The following ATP13A2 variants were observed in gnomAD, a reference collection of about 807,000 sequenced individuals.
ATP13A2 encodes polyamine-transporting ATPase 13A2.
In ATP13A2, 83 loss-of-function variants were observed where a neutral mutation model predicts 138.3. The observed-to-expected ratio is 0.60, with a 90% CI of 0.50 to 0.72. The LOEUF (loss-of-function observed/expected upper bound fraction) is 0.72. ATP13A2 is among the 30% of genes least tolerant of loss of function. ATP13A2 has a pLI of 0.00. For synonymous variants in ATP13A2, 663 were observed against 699.0 expected (o/e 0.95, Z 0.81); for missense variants, 1,402 against 1,606.4 (o/e 0.87, Z 2.17).
Position 16,995,635 on chromosome 1 carries a change from G to A in ATP13A2, c.1542+341C>T, listed in dbSNP as rs988146764. On this transcript the variant is annotated intron_variant, in intron 15 of 28. Coordinates refer to ENST00000326735, the MANE Select transcript of ATP13A2 (RefSeq NM_022089.4). The surrounding 1 kb of genome is among the most constrained non-coding windows in gnomAD (Gnocchi z 4.1). ...GCTAACTTTTGTATTTTTAGTAGAC[G>A]GGGTTTTGCCATGTTGGTCAGGCTG... 1.3e-5 allele frequency: 5 copies of A among 383,006 alleles called. No individual in the cohort carries two copies. The highest frequency in any genetic ancestry group is 1.1e-4 in the Admixed American group (3 of 26,998). 23.7% of individuals were successfully genotyped at this position (383,006 alleles called of 1,614,324 possible).
At chr1:16,994,684 AC>A (rs2077055982) in intron 15 of ATP13A2, among the ~76,000 whole-genome samples, 1 of 150,792 alleles carries the variant, frequency 6.6e-6, no homozygotes, top group African/African-American at 2.4e-5. Context: ...TTTTTTTGAG[AC>A]GGAGTCTCAC....
Position 16,996,136 on chromosome 1 carries a change from G to A in ATP13A2, c.1382C>T (p.Ala461Val), listed in dbSNP as rs763042739. ...CACCACCACGGTCACCAGGTCGAGA[G>A]CCCGGATTACAATCTCATTCAGAGG... ...RVPLNEIVIR[A>V]LDLVTVVVPP... The change falls in exon 15 of 29, where the codon GCT (alanine) becomes GTT (valine). Residue 461 changes from alanine to valine, a missense_variant. Physicochemically the swap from Ala to Val is moderately conservative, Grantham distance 64. Transcript: ENST00000326735. The A allele has an allele frequency of 2.4e-5, 39 of 1,614,014 alleles. No homozygotes were observed. The highest frequency in any genetic ancestry group is 3.0e-5 in the Non-Finnish European group (35 of 1,180,048).
chr1:16,996,178 C>T lies in ATP13A2; in HGVS notation c.1354-14G>A. ...ATTCAGAGGCACCTGGCAGGGGGCACCATGAATGTGAGCACCTGGCTGGTT... is the reference window on the plus strand; with the variant it reads ...ATTCAGAGGCACCTGGCAGGGGGCATCATGAATGTGAGCACCTGGCTGGTT... On this transcript the variant is annotated splice_polypyrimidine_tract_variant and intron_variant, in intron 14 of 28. Coordinates refer to ENST00000326735, the MANE Select transcript of ATP13A2 (RefSeq NM_022089.4). 2 of 1,614,166 alleles carry T rather than the reference C, an allele frequency of 1.2e-6. No individual in the cohort carries two copies. The highest frequency in any genetic ancestry group is 8.5e-7 in the Non-Finnish European group (1 of 1,180,040).
intron 6 of ATP13A2, among the ~76,000 whole-genome samples, 166 bp from the exon 7 acceptor site, chr1:17,002,539 C>T (rs920580827): frequency 6.6e-6 from 1 of 152,218 alleles, no homozygotes; most frequent in Non-Finnish European, 1.5e-5. Flanking sequence ...TTGGCTTTGC[C>T]CTTTTGTTCC....
At chr1:16,992,880 A>G (rs534469933) in intron 16 of ATP13A2, among the ~76,000 whole-genome samples, 87 of 152,362 alleles carry the variant, frequency 5.7e-4, no homozygotes, top group Non-Finnish European at 7.5e-4. Flanking sequence ...GCGCTGGCGC[A>G]TAGTAGGCAC....
intron 13 of ATP13A2, 21 bp from the exon 14 acceptor site, chr1:16,996,321 T>G (rs1390143078): frequency 1.2e-6 from 2 of 1,613,884 alleles, no homozygotes; most frequent in South Asian, 1.1e-5. Context: ...AGCGAAGGAC[T>G]GAGTGGGATT....
rs777252902 is a variant in ATP13A2 at position 16,987,017 on chromosome 1, T to TG, written c.3083+28dup. On this transcript the variant is annotated intron_variant, in intron 26 of 28. Transcript: ENST00000326735. ...TGGGGTGGACAGGGAAGGGGCGGGATGGGGGTGGTCAGTCAGCTCCCTACT... is the reference window on the plus strand; with the variant it reads ...TGGGGTGGACAGGGAAGGGGCGGGATGGGGGGTGGTCAGTCAGCTCCCTACT... 1.9e-6 allele frequency: 3 copies of TG among 1,601,166 alleles called. No individual in the cohort carries two copies. The African/African-American group carries it at 4.2e-5, about 22-fold the overall frequency.
At chr1:16,996,641 G>T in intron 12 of ATP13A2, 145 bp from the exon 13 acceptor site, 3 of 690,202 alleles carry the variant, frequency 4.3e-6, no homozygotes, top group Non-Finnish European at 7.7e-6. Flanking sequence ...GTCCTAACAG[G>T]TCTGGCCCGG....
chr1:16,994,525 G>A (rs961240071), intron 15 of ATP13A2, among the ~76,000 whole-genome samples: 2 of 151,952 alleles, frequency 1.3e-5, no homozygotes, highest in African/African-American at 2.4e-5. Flanking sequence ...GAGCCACCAC[G>A]CCCAGCCTCA....
At chr1:16,987,665 C>T (rs111901708) in intron 25 of ATP13A2, among the ~76,000 whole-genome samples, 28 of 152,204 alleles carry the variant, frequency 1.8e-4, no homozygotes, top group Non-Finnish European at 3.2e-4. Flanking sequence ...ATAAGATGTG[C>T]GCCGCCCTGC....
rs1476901777 is a variant in ATP13A2, at chr1:16,988,238, G to A, written c.2763-4C>T. 6.2e-7 allele frequency: 1 copy of A among 1,614,144 alleles called. No individual in the cohort carries two copies. The highest frequency in any genetic ancestry group is 1.1e-5 in the South Asian group (1 of 91,082). On this transcript the variant is annotated splice_region_variant and splice_polypyrimidine_tract_variant and intron_variant, in intron 24 of 28. Transcript: ENST00000326735. The stretch of plus-strand genomic sequence containing the variant: ...GTCAAGGGAACAGCGCCCCTCCCTG[G>A]GTGGCAGGGCACGGACATTAGGGGA...
chr1:16,997,579 C>A (rs1047946760), intron 11 of ATP13A2, among the ~76,000 whole-genome samples: 1 of 152,106 alleles, frequency 6.6e-6, no homozygotes, highest in Non-Finnish European at 1.5e-5. Context: ...CGGTGGCTCA[C>A]GCCTGTAATC....
In ATP13A2 at chr1:16,996,495, C is replaced by A. The variant is rs765184277; in HGVS notation, c.1197G>T (p.Gly399=). 3 of 1,613,798 alleles carry A rather than the reference C, an allele frequency of 1.9e-6. No homozygotes were observed. Among genetic ancestry groups the A allele is most frequent in the Non-Finnish European group, 2.5e-6 (3 of 1,179,894 alleles). The change falls in exon 13 of 29, where the codon GGG becomes GGT. Residue 399 remains glycine (G), a splice_region_variant and synonymous_variant. Transcript: ENST00000326735. ...PHVLAVVTRT[G]FCTAKGGLVS... is the part of the protein sequence containing the mutation. ...CCAGGCCCCCTTTTGCCGTGCAGAA[C>A]CCTGGGGAGGAGGCGGGGACCCCAA...
chr1:17,004,244 G>T lies in ATP13A2; in HGVS notation c.557+88C>A, dbSNP rs2077467615. 1 of 1,371,640 alleles carries T rather than the reference G, an allele frequency of 7.3e-7. No homozygotes were observed. The highest frequency in any genetic ancestry group is 1.0e-6 in the Non-Finnish European group (1 of 980,604). 85.0% of individuals were successfully genotyped at this position (1,371,640 alleles called of 1,614,324 possible). A position where few individuals can be genotyped will look rare whatever the true frequency, so the allele number is the denominator to read the frequency against. ...CAGCAAAAGCATCAGAGCTGAGAGG[G>T]GAGCCCAGGCCATGCCATGCCACCG... On this transcript the variant is annotated intron_variant, in intron 6 of 28. Coordinates refer to ENST00000326735, the MANE Select transcript of ATP13A2 (RefSeq NM_022089.4). This position sits in a 1 kb window ranked among gnomAD's most constrained non-coding sequence, Gnocchi z 4.1.
At chr1:16,994,714 G>A (rs1264457094) in intron 15 of ATP13A2, among the ~76,000 whole-genome samples, 1 of 151,706 alleles carries the variant, frequency 6.6e-6, no homozygotes, top group Non-Finnish European at 1.5e-5. Context: ...CCAGGCTGGA[G>A]TGCAGTGGTG....
chr1:16,996,092 C>T lies in ATP13A2; in HGVS notation c.1426G>A (p.Ala476Thr). 6.2e-7 allele frequency: 1 copy of T among 1,614,128 alleles called. No homozygotes were observed. The highest frequency in any genetic ancestry group is 8.5e-7 in the Non-Finnish European group (1 of 1,180,046). Reference sequence around the variant, plus strand: ...GCGTAGAGCGTGCACACAGTCATGGCAGCAGGCAGGGCAGGTGGCACCACC... The same window carrying T: ...GCGTAGAGCGTGCACACAGTCATGGTAGCAGGCAGGGCAGGTGGCACCACC... ...TVVVPPALPAAMTVCTLYAQS... is the reference protein window; with the variant it reads ...TVVVPPALPATMTVCTLYAQS... The change falls in exon 15 of 29, where the codon GCC (alanine) becomes ACC (threonine). Residue 476 changes from alanine to threonine, a missense_variant. Transcript: ENST00000326735.
rs771014262 is a variant in ATP13A2, at chr1:16,988,449, C to T, written c.2635G>A (p.Gly879Ser). ...LQYCVGMCGD[G>S]ANDCGALKAA... ...TTCAGGGCCCCACAGTCATTGGCGC[C>T]GTCTCCGCACATGCCCACGCAGTAC... The change falls in exon 24 of 29, where the codon GGC becomes AGC. Residue 879 changes from glycine to serine, a missense_variant. Coordinates refer to ENST00000326735, the MANE Select transcript of ATP13A2 (RefSeq NM_022089.4). 6.8e-6 allele frequency: 11 copies of T among 1,613,740 alleles called. No homozygotes were observed. The highest frequency in any genetic ancestry group is 5.5e-5 in the South Asian group (5 of 91,084).
chr1:17,007,846 C>T (rs912250856), intron 1 of ATP13A2, among the ~76,000 whole-genome samples: 1 of 152,148 alleles, frequency 6.6e-6, no homozygotes, highest in Non-Finnish European at 1.5e-5. Flanking sequence ...CCACAGCGCC[C>T]GGCGAGCCCT....
Position 16,996,254 on chromosome 1 carries a change from C to A in ATP13A2, c.1353G>T (p.Arg451=). ...CCCCCACCCCACCCCCAAGGCTTAC[C>A]CGGTTTCGGTAGAGGATGAAGATGC... ...IYSIFILYRN[R]VPLNEIVIRA... is the part of the protein sequence containing the mutation. The change falls in exon 14 of 29, where the codon CGG becomes CGT. Residue 451 remains arginine (R), a splice_region_variant and synonymous_variant. Transcript: ENST00000326735. 6.2e-7 allele frequency: 1 copy of A among 1,614,168 alleles called. No homozygotes were observed. The highest frequency in any genetic ancestry group is 8.5e-7 in the Non-Finnish European group (1 of 1,180,036).
Sources: gnomAD v4.1 joint callset for allele counts (sites outside exome capture counted in the v4.1 genomes callset) on GRCh38, gnomAD v4.1.1 for gene constraint, Gnocchi (gnomAD v3.1) non-coding constraint, MANE v1.5 for transcripts, NCBI Gene and HGNC (gene_info 2026-07-23, HGNC 2026-07-21) for gene names.